Variants in SP6 observed in about 807,000 individuals in gnomAD.
SP6 encodes transcription factor Sp6.
Under a neutral mutation model 23.4 loss-of-function variants are expected in SP6, and 10 were observed. The ratio of observed to expected loss-of-function variants is 0.43; its 90% CI spans 0.26 to 0.72. SP6 has a LOEUF of 0.72. Ranked by LOEUF, SP6 falls within the 30% of genes least tolerant of loss-of-function variation. SP6 has a pLI of 0.23. For synonymous variants in SP6, 238 were observed against 238.7 expected, an observed-to-expected ratio of 1.00 and a Z score of 0.03; for missense variants, 482 against 523.8, an observed-to-expected ratio of 0.92 and a Z score of 0.78.
At chr17:47,860,993 G>A in the SP6 span, among the ~76,000 whole-genome samples, 386 of 152,330 alleles carry the variant, frequency 2.5e-3, 1 homozygote, top group African/African-American at 8.7e-3. Context: ...CCCACGAGAG[G>A]GGAATTAGAG....
the SP6 span, among the ~76,000 whole-genome samples, chr17:47,868,900 G>GA: frequency 6.6e-6 from 1 of 152,226 alleles, no homozygotes; most frequent in Non-Finnish European, 1.5e-5. Context: ...ATGAAAGGGC[G>GA]TCTTTGAAAG....
the SP6 span, among the ~76,000 whole-genome samples, chr17:47,868,248 C>A: frequency 6.6e-6 from 1 of 152,208 alleles, no homozygotes; most frequent in Admixed American, 6.5e-5. Context: ...CACTCCCATT[C>A]GGGCAAGTGT....
At chr17:47,849,750 A>G (rs1598060388) in intron 1 of SP6, among the ~76,000 whole-genome samples, 2 of 152,176 alleles carry the variant, frequency 1.3e-5, no homozygotes, top group East Asian at 3.8e-4. Flanking sequence ...AAAGACCCCC[A>G]ACGCTTTCTC....
chr17:47,847,466 C>A lies in SP6; in HGVS notation c.964G>T (p.Val322Phe). Residue 322 changes from valine (V) to phenylalanine (F), a missense_variant, in exon 2 of 2, where the codon GTC becomes TTC. Coordinates refer to ENST00000536300, the MANE Select transcript of SP6 (RefSeq NM_001258248.2). Reference protein sequence around the residue: ...KKFPCAVCSRVFMRSDHLAKH... With the variant: ...KKFPCAVCSRFFMRSDHLAKH... ...GCCAGGTGGTCGCTGCGCATGAAGA[C>A]GCGGCTGCAGACTGCACAGGGGAAC... 2 of 1,613,728 alleles carry A rather than the reference C, an allele frequency of 1.2e-6. No individual in the cohort carries two copies. The highest frequency in any genetic ancestry group is 1.7e-6 in the Non-Finnish European group (2 of 1,179,936).
chr17:47,854,369 C>A (rs1183638721), upstream of SP6, among the ~76,000 whole-genome samples: 6 of 152,118 alleles, frequency 3.9e-5, no homozygotes, highest in African/African-American at 1.4e-4. Flanking sequence ...ATGAGGAAGC[C>A]AAAGATCAAA....
upstream of SP6, among the ~76,000 whole-genome samples, chr17:47,851,518 C>A (rs2033956502): frequency 6.6e-6 from 1 of 152,162 alleles, no homozygotes; most frequent in Non-Finnish European, 1.5e-5. Context: ...GGGGGTGAGA[C>A]AGAGCCACCC....
chr17:47,847,228 A>T lies in SP6; in HGVS notation c.*71T>A. The T allele has an allele frequency of 7.1e-7, 1 of 1,410,490 alleles. No homozygotes were observed. Among genetic ancestry groups the T allele is most frequent in the South Asian group, 1.5e-5 (1 of 67,818 alleles). The allele number at this position is 1,410,490 out of a possible 1,614,324, so 87.4% of individuals were successfully genotyped here. On this transcript the variant is annotated 3_prime_UTR_variant, in exon 2 of 2. Coordinates refer to ENST00000536300, the MANE Select transcript of SP6 (RefSeq NM_001258248.2). The stretch of plus-strand genomic sequence containing the variant: ...TTCCCCTCTTCCTCAAGCCACCCCC[A>T]AGGACGTCAGACCTGGGGGCTCGCA...
At chr17:47,862,957 G>A in the SP6 span, among the ~76,000 whole-genome samples, 1 of 152,268 alleles carries the variant, frequency 6.6e-6, no homozygotes, top group Non-Finnish European at 1.5e-5. Context: ...TTCAAGGACA[G>A]GAGATAATAT....
chr17:47,867,539 A>G, the SP6 span, among the ~76,000 whole-genome samples: 1 of 152,210 alleles, frequency 6.6e-6, no homozygotes, highest in Non-Finnish European at 1.5e-5. Context: ...TAATGATCTC[A>G]GAAAGTGTGG....
At chr17:47,875,937 T>C in the SP6 span, among the ~76,000 whole-genome samples, 1 of 152,146 alleles carries the variant, frequency 6.6e-6, no homozygotes, top group Non-Finnish European at 1.5e-5. Context: ...CATCATTCCC[T>C]GAGGGTGAGT....
chr17:47,852,444 C>A (rs1205608458), upstream of SP6, among the ~76,000 whole-genome samples: 2 of 152,124 alleles, frequency 1.3e-5, no homozygotes, highest in African/African-American at 4.8e-5. Context: ...CAGGGGAATG[C>A]AGATTAATTT....
the SP6 span, among the ~76,000 whole-genome samples, chr17:47,875,177 G>A: frequency 3.3e-5 from 5 of 152,050 alleles, no homozygotes; most frequent in Non-Finnish European, 7.4e-5. Context: ...AGGGCCTCAG[G>A]GCAAGTATTT....
In SP6 at chr17:47,848,312, C is replaced by G. The variant is rs1226120070; in HGVS notation, c.118G>C (p.Ala40Pro). Residue 40 changes from alanine (A) to proline (P), a missense_variant, in exon 2 of 2, where the codon GCC becomes CCC. Transcript: ENST00000536300. The surrounding 1 kb of genome is among the most constrained non-coding windows in gnomAD (Gnocchi z 5.3). Reference protein sequence around the residue: ...QTYQGHTSPEAGDYPSPLQPG... With the variant: ...QTYQGHTSPEPGDYPSPLQPG... Reference sequence around the variant, plus strand: ...TGCAGCGGGGAGGGGTAGTCCCCGGCCTCAGGGCTCGTGTGGCCCTGGTAA... The same window carrying G: ...TGCAGCGGGGAGGGGTAGTCCCCGGGCTCAGGGCTCGTGTGGCCCTGGTAA... The G allele has an allele frequency of 6.2e-7, 1 of 1,611,330 alleles. No homozygotes were observed.
Position 47,847,226 on chromosome 17 carries a change from C to T in SP6, c.*73G>A. The T allele has an allele frequency of 7.1e-7, 1 of 1,411,032 alleles. No individual in the cohort carries two copies. The highest frequency in any genetic ancestry group is 9.3e-7 in the Non-Finnish European group (1 of 1,070,926). 87.4% of individuals were successfully genotyped at this position (1,411,032 alleles called of 1,614,324 possible). On this transcript the variant is annotated 3_prime_UTR_variant, in exon 2 of 2. Coordinates refer to ENST00000536300, the MANE Select transcript of SP6 (RefSeq NM_001258248.2). ...CCTTCCCCTCTTCCTCAAGCCACCC[C>T]CAAGGACGTCAGACCTGGGGGCTCG...
At chr17:47,867,340 C>A in the SP6 span, among the ~76,000 whole-genome samples, 2 of 152,116 alleles carry the variant, frequency 1.3e-5, no homozygotes, top group African/African-American at 4.8e-5. Flanking sequence ...GAGAAACCAT[C>A]ATGTCAGTGA....
At chr17:47,864,702 C>T in the SP6 span, 1 of 152,306 alleles carries the variant, frequency 6.6e-6, no homozygotes, top group African/African-American at 2.4e-5. Context: ...ATGGGCAGCT[C>T]TTACAGGAAA....
upstream of SP6, among the ~76,000 whole-genome samples, chr17:47,858,052 A>G (rs139802009): frequency 4.1e-3 from 623 of 152,066 alleles, 4 homozygotes; most frequent in African/African-American, 0.014. Flanking sequence ...TTTCGTCTCC[A>G]GTGCCTGGGC....
the SP6 span, among the ~76,000 whole-genome samples, chr17:47,868,274 A>G: frequency 6.6e-6 from 1 of 152,170 alleles, no homozygotes; most frequent in Non-Finnish European, 1.5e-5. Flanking sequence ...GTGAGCAAAT[A>G]CTATGATAAT....
chr17:47,854,264 T>C (rs1035802667), upstream of SP6, among the ~76,000 whole-genome samples: 1 of 152,234 alleles, frequency 6.6e-6, no homozygotes, highest in Non-Finnish European at 1.5e-5. Flanking sequence ...GGCATTTATT[T>C]ACTGAGCACC....
Sources: gnomAD v4.1 joint callset for allele counts (sites outside exome capture counted in the v4.1 genomes callset) on GRCh38, gnomAD v4.1.1 for gene constraint, Gnocchi (gnomAD v3.1) non-coding constraint, MANE v1.5 for transcripts, NCBI Gene and HGNC (gene_info 2026-07-23, HGNC 2026-07-21) for gene names.